The following KCTD16 variants were observed in gnomAD, a reference collection of about 807,000 sequenced individuals.
KCTD16 encodes potassium channel tetramerization domain containing 16.
KCTD16 carries 13 observed loss-of-function variants against 33.2 expected under a neutral mutation model. That is an observed-to-expected ratio of 0.39 (90% confidence interval 0.25 to 0.62). The LOEUF is 0.62. KCTD16 is among the 20% of genes least tolerant of loss of function. KCTD16 has a pLI of 0.50. For synonymous variants in KCTD16, 197 were observed against 195.3 expected, an observed-to-expected ratio of 1.01 and a Z score of -0.07; for missense variants, 441 against 525.1, an observed-to-expected ratio of 0.84 and a Z score of 1.57.
chr5:144,318,803 ATGAGGTGCCCACCACCTC>A, intron 3 of KCTD16, among the ~76,000 whole-genome samples: 1 of 152,330 alleles, frequency 6.6e-6, no homozygotes, highest in African/African-American at 2.4e-5. Flanking sequence ...GTTCCCCAAA[ATGAGGTGCCCACCACCTC>A]ATGGGTTTAC....
At chr5:144,222,418 G>A (rs1345717099) in intron 3 of KCTD16, among the ~76,000 whole-genome samples, 1 of 152,158 alleles carries the variant, frequency 6.6e-6, no homozygotes, top group Admixed American at 6.5e-5. Flanking sequence ...AGGGCCTGGA[G>A]CAGATAAATG....
chr5:144,176,624 G>A lies in KCTD16; in HGVS notation c.-327+2152G>A, dbSNP rs1036934512. 2.0e-5 allele frequency among the ~76,000 whole-genome samples: 3 copies of A among 151,160 alleles called. No individual in the cohort carries two copies. The East Asian group carries it at 5.9e-4, about 30-fold the overall frequency. ...TCACCTTGTTAGCCAGGATGGTCTC[G>A]ATCTCCTGACCTCATGATCCACTCG... On this transcript the variant is annotated intron_variant, in intron 2 of 3. Transcript: ENST00000512467.
At chr5:144,317,946 G>A (rs956956366) in intron 3 of KCTD16, among the ~76,000 whole-genome samples, 12 of 152,148 alleles carry the variant, frequency 7.9e-5, no homozygotes, top group Non-Finnish European at 1.3e-4. Context: ...GTCTATGCCC[G>A]CACTTGGCAA....
chr5:144,418,848 A>G (rs1753144360), intron 3 of KCTD16, among the ~76,000 whole-genome samples: 1 of 152,126 alleles, frequency 6.6e-6, no homozygotes, highest in African/African-American at 2.4e-5. Context: ...CCACAGAATC[A>G]TTACTCCAGT....
chr5:144,278,485 CTTTTTT>C (rs1220359408), intron 3 of KCTD16, among the ~76,000 whole-genome samples: 10 of 89,984 alleles, frequency 1.1e-4, no homozygotes, highest in African/African-American at 4.9e-4. Flanking sequence ...TGTTAGTCTT[CTTTTTT>C]TTTTTTTTTT....
At chr5:144,225,776 A>T (rs183709936) in intron 3 of KCTD16, among the ~76,000 whole-genome samples, 33 of 152,296 alleles carry the variant, frequency 2.2e-4, no homozygotes. Flanking sequence ...AAATCATAAA[A>T]TATTCAGACA....
rs145228826 is a variant in KCTD16 at position 144,181,572 on chromosome 5, T to A, written c.-327+7100T>A. ...AAAAAATTTGTTGTTGGTGGTGGTGTTTGTGTGTATAATTGAATATTATTC... is the reference window on the plus strand; with the variant it reads ...AAAAAATTTGTTGTTGGTGGTGGTGATTGTGTGTATAATTGAATATTATTC... On this transcript the variant is annotated intron_variant, in intron 2 of 3. Transcript: ENST00000512467. Among the ~76,000 whole-genome samples, 288 of 152,318 alleles carry A rather than the reference T, an allele frequency of 1.9e-3. 1 individual carries two copies. The highest frequency in any genetic ancestry group is 6.6e-3 in the African/African-American group (276 of 41,578).
At chr5:144,290,052 G>A (rs1386239007) in intron 3 of KCTD16, among the ~76,000 whole-genome samples, 1 of 152,152 alleles carries the variant, frequency 6.6e-6, no homozygotes, top group African/African-American at 2.4e-5. Flanking sequence ...AGGCCAAGGC[G>A]AGTGAATCAT....
intron 3 of KCTD16, among the ~76,000 whole-genome samples, chr5:144,358,920 A>G (rs1014095305): frequency 2.6e-5 from 4 of 152,104 alleles, no homozygotes; most frequent in Non-Finnish European, 5.9e-5. Flanking sequence ...ATTTCCCCAT[A>G]TGAGTATAGG....
chr5:144,179,906 GTGTC>G (rs1374369912), intron 2 of KCTD16, among the ~76,000 whole-genome samples: 1 of 152,190 alleles, frequency 6.6e-6, no homozygotes, highest in African/African-American at 2.4e-5. Context: ...AACAGATTCT[GTGTC>G]TGTCTATGGT....
chr5:144,269,497 C>T (rs1294577496), intron 3 of KCTD16, among the ~76,000 whole-genome samples: 1 of 151,922 alleles, frequency 6.6e-6, no homozygotes, highest in African/African-American at 2.4e-5. Context: ...GCAAAACTGT[C>T]CTTCAAAAGT....
chr5:144,352,541 C>T (rs1381648431), intron 3 of KCTD16, among the ~76,000 whole-genome samples: 4 of 152,194 alleles, frequency 2.6e-5, no homozygotes, highest in African/African-American at 4.8e-5. Flanking sequence ...TGCCCTGGAA[C>T]TCTTTGTTCT....
intron 3 of KCTD16, among the ~76,000 whole-genome samples, chr5:144,471,060 G>T (rs928448956): frequency 6.6e-5 from 10 of 152,070 alleles, no homozygotes; most frequent in Non-Finnish European, 1.5e-4. Context: ...GGTATCTGTA[G>T]TCCCTGCTAC....
chr5:144,273,444 A>G (rs1355071302), intron 3 of KCTD16, among the ~76,000 whole-genome samples: 5 of 152,200 alleles, frequency 3.3e-5, no homozygotes, highest in South Asian at 4.1e-4. Flanking sequence ...TAGAATTACC[A>G]TATGGTTCAG....
chr5:144,228,604 G>T (rs2544625), intron 3 of KCTD16, among the ~76,000 whole-genome samples: 1 of 152,038 alleles, frequency 6.6e-6, no homozygotes, highest in South Asian at 2.1e-4. Flanking sequence ...GAGAAAAAGA[G>T]AATTTTTTTA....
chr5:144,317,329 T>A (rs566438479), intron 3 of KCTD16, among the ~76,000 whole-genome samples: 1 of 152,260 alleles, frequency 6.6e-6, no homozygotes, highest in South Asian at 2.1e-4. Context: ...AAGGTGCTGT[T>A]ATTTTCACTG....
intron 3 of KCTD16, among the ~76,000 whole-genome samples, chr5:144,384,695 G>A (rs1431713093): frequency 1.3e-5 from 2 of 151,980 alleles, no homozygotes; most frequent in African/African-American, 4.8e-5. Flanking sequence ...CATCATTAAT[G>A]TTTGCACTAT....
At chr5:144,458,118 A>C (rs561592142) in intron 3 of KCTD16, among the ~76,000 whole-genome samples, 2 of 152,218 alleles carry the variant, frequency 1.3e-5, no homozygotes, top group Non-Finnish European at 2.9e-5. Flanking sequence ...AACTGGTAAC[A>C]ATGACAAATT....
intron 3 of KCTD16, among the ~76,000 whole-genome samples, chr5:144,284,735 T>TA (rs566922405): frequency 7.8e-4 from 119 of 152,364 alleles, no homozygotes; most frequent in South Asian, 1.4e-3. Flanking sequence ...ATCCACTTTT[T>TA]ATGTCAAAAT....
Sources: allele counts gnomAD v4.1 joint callset (sites outside exome capture counted in the v4.1 genomes callset), GRCh38; gene constraint gnomAD v4.1.1; transcripts MANE v1.5; gene names NCBI Gene and HGNC (gene_info 2026-07-23, HGNC 2026-07-21).